SCAPER: variants seen among roughly 807,000 people sequenced by gnomAD.
SCAPER encodes the protein S-phase cyclin A associated protein in the ER, also known as S phase cyclin A-associated protein in the endoplasmic reticulum.
A neutral mutation model predicts 182.2 loss-of-function variants in SCAPER; 98 were observed. The ratio of observed to expected loss-of-function variants is 0.54; its 90% CI spans 0.46 to 0.64. The LOEUF (loss-of-function observed/expected upper bound fraction) is 0.64. SCAPER is among the 30% of genes least tolerant of loss of function. The pLI is 0.00. For synonymous variants in SCAPER, 605 were observed against 564.6 expected (o/e 1.07, Z -1.01); for missense variants, 1,432 against 1,690.0 (o/e 0.85, Z 2.68).
chr15:76,606,824 G>C (rs914937564), intron 22 of SCAPER, among the ~76,000 whole-genome samples: 2 of 151,734 alleles, frequency 1.3e-5, no homozygotes, highest in African/African-American at 4.8e-5. Context: ...TTTTATCAGA[G>C]ACTAGGATTG....
At chr15:76,706,943 TATAA>T (rs1407206537) in intron 17 of SCAPER, among the ~76,000 whole-genome samples, 2 of 152,082 alleles carry the variant, frequency 1.3e-5, no homozygotes, top group Non-Finnish European at 2.9e-5. Flanking sequence ...TATACAACTG[TATAA>T]AGAAATAATT....
chr15:76,369,633 C>A (rs1193101413), intron 29 of SCAPER, among the ~76,000 whole-genome samples: 1 of 152,186 alleles, frequency 6.6e-6, no homozygotes, highest in Non-Finnish European at 1.5e-5. Context: ...CTAAACTTAC[C>A]ACACCCTCTT....
intron 25 of SCAPER, among the ~76,000 whole-genome samples, chr15:76,456,540 G>A (rs995578536): frequency 2.0e-5 from 3 of 152,144 alleles, no homozygotes; most frequent in African/African-American, 7.2e-5. Flanking sequence ...TCCTCAGTAT[G>A]CTCAGAAAGA....
chr15:76,355,545 TC>T (rs2040897344), intron 29 of SCAPER, among the ~76,000 whole-genome samples: 1 of 11,804 alleles, frequency 8.5e-5, no homozygotes, highest in African/African-American at 1.1e-4. Flanking sequence ...TTAGAAGTCT[TC>T]TTTTTTTTTT....
intron 22 of SCAPER, among the ~76,000 whole-genome samples, chr15:76,604,031 A>G (rs1314100292): frequency 2.5e-5 from 3 of 120,824 alleles, no homozygotes; most frequent in African/African-American, 2.5e-5. Flanking sequence ...TAGTTTAATT[A>G]GATCCCATTT....
At chr15:76,783,638 TA>T (rs199739278) in intron 8 of SCAPER, among the ~76,000 whole-genome samples, 10,201 of 152,246 alleles carry the variant, frequency 0.067, 379 homozygotes, top group Middle Eastern at 0.11. Context: ...AAATCCTCAA[TA>T]AAATACTGGC....
At chr15:76,767,557 A>C (rs954015673) in intron 10 of SCAPER, among the ~76,000 whole-genome samples, 1 of 152,160 alleles carries the variant, frequency 6.6e-6, no homozygotes, top group African/African-American at 2.4e-5. Flanking sequence ...GCAAATAATA[A>C]AAATATACAT....
intron 28 of SCAPER, among the ~76,000 whole-genome samples, chr15:76,378,975 G>A (rs1567024566): frequency 6.6e-6 from 1 of 152,188 alleles, no homozygotes; most frequent in Non-Finnish European, 1.5e-5. Context: ...TCATGGAGCA[G>A]AGACAAACCA....
intron 8 of SCAPER, among the ~76,000 whole-genome samples, chr15:76,784,307 A>G (rs556526484): frequency 3.3e-5 from 5 of 152,292 alleles, no homozygotes; most frequent in African/African-American, 1.2e-4. Flanking sequence ...AGAATAAAAT[A>G]CCTAGGAAAC....
rs923376769 is a variant in SCAPER at position 76,905,301 on chromosome 15, C to G, written c.-62G>C. The G allele has an allele frequency of 6.6e-5, 18 of 272,676 alleles. No homozygotes were observed. In the East Asian group the frequency reaches 1.3e-3, roughly 20 times the overall value. 16.9% of individuals were successfully genotyped at this position (272,676 alleles called of 1,614,324 possible). ...GCACGCCCCTCGCGGACACTCACCC[C>G]CGACCGCCCTGCTTAGTTCGGGGCG... On this transcript the variant is annotated splice_region_variant and 5_prime_UTR_variant, in exon 1 of 32. Transcript: ENST00000563290.
At chr15:76,436,721 T>C (rs2047222524) in intron 25 of SCAPER, among the ~76,000 whole-genome samples, 1 of 152,192 alleles carries the variant, frequency 6.6e-6, no homozygotes, top group South Asian at 2.1e-4. Context: ...CTTGGGCTTT[T>C]TGTTCATATT....
intron 23 of SCAPER, among the ~76,000 whole-genome samples, chr15:76,549,689 A>G (rs1177133714): frequency 6.6e-6 from 1 of 152,148 alleles, no homozygotes; most frequent in Admixed American, 6.6e-5. Flanking sequence ...TGGCACATGT[A>G]TGCATACGTA....
chr15:76,382,058 A>C (rs996391526), intron 27 of SCAPER, among the ~76,000 whole-genome samples: 3 of 152,198 alleles, frequency 2.0e-5, no homozygotes, highest in Admixed American at 2.0e-4. Context: ...AGGCCTCAAA[A>C]ACCCAGTAAT....
At chr15:76,546,228 A>T (rs2045269456) in intron 23 of SCAPER, among the ~76,000 whole-genome samples, 1 of 152,236 alleles carries the variant, frequency 6.6e-6, no homozygotes, top group Admixed American at 6.5e-5. Flanking sequence ...TGAAAATATA[A>T]GACCAGGATG....
chr15:76,773,103 T>C (rs1598639361), intron 9 of SCAPER, among the ~76,000 whole-genome samples: 3 of 151,954 alleles, frequency 2.0e-5, no homozygotes, highest in African/African-American at 4.8e-5. Context: ...GTTTATAATC[T>C]TCTTGGCAAT....
At chr15:76,675,015 G>C (rs1458145925) in intron 20 of SCAPER, among the ~76,000 whole-genome samples, 1 of 152,132 alleles carries the variant, frequency 6.6e-6, no homozygotes, top group Non-Finnish European at 1.5e-5. Flanking sequence ...AATGTTACCT[G>C]GAATTGACTT....
At chr15:76,549,737 A>G (rs1327658877) in intron 23 of SCAPER, among the ~76,000 whole-genome samples, 1 of 28,172 alleles carries the variant, frequency 3.5e-5, no homozygotes, top group Non-Finnish European at 8.5e-5. Context: ...CCTAAAACTT[A>G]AAGTGTAAAA....
At chr15:76,627,271 AT>A (rs912522620) in intron 21 of SCAPER, among the ~76,000 whole-genome samples, 181 of 151,964 alleles carry the variant, frequency 1.2e-3, no homozygotes, top group Middle Eastern at 6.8e-3. Flanking sequence ...TTAAACCTCT[AT>A]TTTTTTTATC....
At chr15:76,758,025 T>C (rs1263355250) in intron 14 of SCAPER, among the ~76,000 whole-genome samples, 1 of 152,222 alleles carries the variant, frequency 6.6e-6, no homozygotes, top group Non-Finnish European at 1.5e-5. Flanking sequence ...TTTTTACAAA[T>C]ATTTTCCCAT....
Sources: allele counts gnomAD v4.1 joint callset (sites outside exome capture counted in the v4.1 genomes callset), GRCh38; gene constraint gnomAD v4.1.1; transcripts MANE v1.5; gene names NCBI Gene and HGNC (gene_info 2026-07-23, HGNC 2026-07-21).